Variants in RASGRF1 observed in about 807,000 individuals in gnomAD.
The protein encoded by RASGRF1 is Ras protein specific guanine nucleotide releasing factor 1.
RASGRF1 carries 40 observed loss-of-function variants against 138.7 expected under a neutral mutation model. The observed-to-expected ratio is 0.29, with a 90% CI of 0.22 to 0.38. The LOEUF is 0.38. RASGRF1 is among the 10% of genes least tolerant of loss of function. RASGRF1 has a pLI of 1.00. For synonymous variants in RASGRF1, 614 were observed against 663.2 expected, an observed-to-expected ratio of 0.93 and a Z score of 1.14; for missense variants, 1,108 against 1,650.4, an observed-to-expected ratio of 0.67 and a Z score of 5.69.
At chr15:78,978,220 G>GTTTTTTTTTTTTTTT (rs71148584) in intron 24 of RASGRF1, among the ~76,000 whole-genome samples, 1 of 125,118 alleles carries the variant, frequency 8.0e-6, no homozygotes, top group African/African-American at 4.0e-5. Flanking sequence ...CTTTTCTTTT[G>GTTTTTTTTTTTTTTT]TTTTTTTTTT....
At chr15:79,049,361 G>C in intron 4 of RASGRF1, 135 bp downstream of exon 4, 1 of 787,676 alleles carries the variant, frequency 1.3e-6, no homozygotes, top group South Asian at 1.6e-5. Context: ...TGTGGGCTCT[G>C]TCTTTGGAGC....
intron 20 of RASGRF1, among the ~76,000 whole-genome samples, chr15:78,995,183 C>G (rs1179014378): frequency 6.6e-6 from 1 of 152,140 alleles, no homozygotes; most frequent in Non-Finnish European, 1.5e-5. Flanking sequence ...CCCACCTCAG[C>G]CTCCCAAAGT....
At chr15:79,028,004 A>C (rs2057084667) in intron 8 of RASGRF1, 145 bp from the exon 9 acceptor site, 4 of 821,990 alleles carry the variant, frequency 4.9e-6, no homozygotes, top group Non-Finnish European at 7.9e-6. Context: ...AGGGGAAGGG[A>C]GTGTGCATTT....
chr15:78,974,140 T>C (rs7170396), intron 24 of RASGRF1, among the ~76,000 whole-genome samples: 152,004 of 152,288 alleles, frequency 1, 75,860 homozygotes, highest in Non-Finnish European at 1. Flanking sequence ...CCTGTTACTG[T>C]TCCTTCCCAG....
At position 79,027,640 on chromosome 15, in the gene RASGRF1, G is replaced by T; in HGVS notation, c.1381+101C>A. On this transcript the variant is annotated intron_variant, in intron 9 of 26. Coordinates refer to ENST00000558480, the MANE Select transcript of RASGRF1 (RefSeq NM_001145648.3). This position sits in a 1 kb window ranked among gnomAD's most constrained non-coding sequence, Gnocchi z 4.8. ...CAATCACATTGGCAGGTCTTGGCAT[G>T]TGGCAGCCAAACCAACTGGTGGCGT... is the stretch of plus-strand genomic sequence containing the variant. The T allele has an allele frequency of 9.8e-7, 1 of 1,021,426 alleles. No homozygotes were observed. Among genetic ancestry groups the T allele is most frequent in the Non-Finnish European group, 1.5e-6 (1 of 667,164 alleles). The allele number at this position is 1,021,426 out of a possible 1,614,324, so 63.3% of individuals were successfully genotyped here.
chr15:78,966,062 C>T (rs2055637765), intron 26 of RASGRF1, among the ~76,000 whole-genome samples: 1 of 151,960 alleles, frequency 6.6e-6, no homozygotes, highest in Admixed American at 6.6e-5. Flanking sequence ...TGTTAATTGG[C>T]CAGGGAGCCA....
intron 1 of RASGRF1, among the ~76,000 whole-genome samples, chr15:79,075,977 C>G (rs1159424544): frequency 1.3e-5 from 2 of 152,216 alleles, no homozygotes; most frequent in Non-Finnish European, 2.9e-5. Flanking sequence ...TTAATTCAAC[C>G]AGTATTTAGC....
rs868672308 is a variant in RASGRF1, at chr15:79,032,458, G to A, written c.959-142C>T. The A allele has an allele frequency of 4.0e-6, 3 of 758,148 alleles. No homozygotes were observed. In the African/African-American group the frequency reaches 5.3e-5, roughly 13 times the overall value. 47.0% of individuals were successfully genotyped at this position (758,148 alleles called of 1,614,324 possible). Reference sequence around the variant, plus strand: ...CACCCCAGAGACATCTCTGCTCTTGGGGATGACTCCAGTACCACTGCCCTA... The same window carrying A: ...CACCCCAGAGACATCTCTGCTCTTGAGGATGACTCCAGTACCACTGCCCTA... On this transcript the variant is annotated intron_variant, in intron 6 of 26. Transcript: ENST00000558480. This position sits in a 1 kb window ranked among gnomAD's most constrained non-coding sequence, Gnocchi z 4.5.
intron 13 of RASGRF1, among the ~76,000 whole-genome samples, chr15:79,010,311 T>C (rs1011056846): frequency 2.6e-5 from 4 of 152,224 alleles, no homozygotes; most frequent in Admixed American, 6.5e-5. Flanking sequence ...GTGCCGGGAT[T>C]ACAGGCTTGA....
rs767782733 is a variant in RASGRF1 at position 78,980,613 on chromosome 15, C to T, written c.3494+7G>A. The T allele has an allele frequency of 1.3e-6, 2 of 1,591,206 alleles. No homozygotes were observed. The highest frequency in any genetic ancestry group is 2.2e-5 in the South Asian group (2 of 90,048). On this transcript the variant is annotated splice_region_variant and intron_variant, in intron 24 of 26. Transcript: ENST00000558480. ...AAAATAACAGCGACAAAACGACACA[C>T]ACTTACTTTTTCAGAGCTTCTCTGA...
chr15:78,969,214 C>A (rs1384601259), intron 26 of RASGRF1, among the ~76,000 whole-genome samples: 1 of 152,202 alleles, frequency 6.6e-6, no homozygotes, highest in African/African-American at 2.4e-5. Context: ...ATCCTCTACC[C>A]CCAAGACCAG....
chr15:78,976,425 A>C (rs1596314783), intron 24 of RASGRF1, among the ~76,000 whole-genome samples: 4 of 152,228 alleles, frequency 2.6e-5, no homozygotes, highest in Non-Finnish European at 5.9e-5. Flanking sequence ...TTAATGTTTT[A>C]AGAAAGTTTA....
intron 17 of RASGRF1, among the ~76,000 whole-genome samples, chr15:78,999,425 G>C (rs1474575004): frequency 6.6e-6 from 1 of 152,154 alleles, no homozygotes; most frequent in Non-Finnish European, 1.5e-5. Context: ...GGCTCTAGGT[G>C]TGGGGTTCAG....
chr15:79,032,176 G>A lies in RASGRF1; in HGVS notation c.1099C>T (p.Pro367Ser). ...TCCAGCGTCCTCTCCTCGCAGTCAG[G>A]CTTGGCCTCGTAGTGCTTCAGCAGC... ...DKLLKHYEAK[P>S]DCEERTLETF... The change falls in exon 7 of 27, where the codon CCT (proline) becomes TCT (serine). Residue 367 changes from proline (P) to serine (S), a missense_variant. Physicochemically the swap from Pro to Ser is moderately conservative, Grantham distance 74. Around this residue, in one of 3 missense-constraint regions of RASGRF1, gnomAD observed 169 missense variants for 344.2 expected, o/e 0.49. Coordinates refer to ENST00000558480, the MANE Select transcript of RASGRF1 (RefSeq NM_001145648.3). This position sits in a 1 kb window ranked among gnomAD's most constrained non-coding sequence, Gnocchi z 4.5. 2 of 1,614,108 alleles carry A rather than the reference G, an allele frequency of 1.2e-6. No homozygotes were observed. Among genetic ancestry groups the A allele is most frequent in the Non-Finnish European group, 1.7e-6 (2 of 1,179,978 alleles).
chr15:79,046,817 C>T lies in RASGRF1; in HGVS notation c.807G>A (p.Pro269=), dbSNP rs143049635. Residue 269 remains proline (P), a synonymous_variant, in exon 5 of 27, where the codon CCG becomes CCA. Coordinates refer to ENST00000558480, the MANE Select transcript of RASGRF1 (RefSeq NM_001145648.3). This position sits in a 1 kb window ranked among gnomAD's most constrained non-coding sequence, Gnocchi z 5.3. ...TCTTGGAGCTGGCGGCCATCCGCAGCGGGCGCAGGAAATTGTTGACAAGGA... is the reference window on the plus strand; with the variant it reads ...TCTTGGAGCTGGCGGCCATCCGCAGTGGGCGCAGGAAATTGTTGACAAGGA... ...LHILVNNFLR[P]LRMAASSKKP... 100 of 1,614,216 alleles carry T rather than the reference C, an allele frequency of 6.2e-5. No homozygotes were observed. The highest frequency in any genetic ancestry group is 5.5e-4 in the African/African-American group (41 of 75,046).
intron 9 of RASGRF1, 62 bp from the exon 10 acceptor site, chr15:79,025,536 G>A: frequency 6.5e-7 from 1 of 1,539,836 alleles, no homozygotes; most frequent in Non-Finnish European, 8.8e-7. Flanking sequence ...CTCTGACCCA[G>A]CCTTGAAGGT....
At chr15:79,010,058 A>C (rs141925416) in intron 13 of RASGRF1, among the ~76,000 whole-genome samples, 3,246 of 144,062 alleles carry the variant, frequency 0.023, 78 homozygotes, top group Non-Finnish European at 0.038. Flanking sequence ...CTTTTGAGAC[A>C]GAGTCTCACC....
intron 13 of RASGRF1, among the ~76,000 whole-genome samples, chr15:79,010,706 TTCTC>T (rs2056777891): frequency 1.3e-5 from 2 of 152,218 alleles, no homozygotes; most frequent in African/African-American, 4.8e-5. Context: ...GTAAAGGACT[TTCTC>T]TTTCTTTTTT....
In RASGRF1 at chr15:79,031,514, G is replaced by A. The variant is rs777961531; in HGVS notation, c.1153-5C>T. 36 of 1,601,454 alleles carry A rather than the reference G, an allele frequency of 2.2e-5. No homozygotes were observed. The Admixed American group carries it at 2.3e-4, about 10-fold the overall frequency. On this transcript the variant is annotated splice_region_variant and splice_polypyrimidine_tract_variant and intron_variant, in intron 7 of 26. Coordinates refer to ENST00000558480, the MANE Select transcript of RASGRF1 (RefSeq NM_001145648.3). ...GGTCAGGATGTACCTGGGGATCTGC[G>A]GGCAGGTGGGAGAGGTGAGGGTGGA...
Sources: allele counts gnomAD v4.1 joint callset (sites outside exome capture counted in the v4.1 genomes callset), GRCh38; gene constraint gnomAD v4.1.1; regional missense constraint gnomAD v4.1.1; non-coding constraint Gnocchi (gnomAD v3.1); transcripts MANE v1.5; gene names NCBI Gene and HGNC (gene_info 2026-07-23, HGNC 2026-07-21).